Variants in PPP2CA observed in about 807,000 individuals in gnomAD.
PPP2CA encodes protein phosphatase 2 catalytic subunit alpha.
Under a neutral mutation model 38.8 loss-of-function variants are expected in PPP2CA, and 5 were observed. The observed-to-expected ratio is 0.13, with a 90% confidence interval of 0.07 to 0.27. The LOEUF is 0.27. Ranked by LOEUF, PPP2CA falls within the 10% of genes least tolerant of loss-of-function variation. The pLI is 1.00. For missense variants in PPP2CA, 88 were observed against 389.7 expected (o/e 0.23, Z 6.52); for synonymous variants, 152 against 134.0 (o/e 1.13, Z -0.93).
intron 1 of PPP2CA, chr5:134,224,345 T>C (rs141621961): frequency 1.5e-5 from 7 of 452,146 alleles, no homozygotes; most frequent in Non-Finnish European, 2.7e-5. Context: ...TGCCACCTCA[T>C]CCACTAGTAG....
chr5:134,209,003 A>G (rs931464076), intron 1 of PPP2CA, among the ~76,000 whole-genome samples: 5 of 152,206 alleles, frequency 3.3e-5, no homozygotes, highest in African/African-American at 1.2e-4. Context: ...CTCTGTATAC[A>G]TATGCAGGCA....
chr5:134,199,028 T>C (rs2149382618), intron 6 of PPP2CA, 58 bp downstream of exon 6: 7 of 1,391,368 alleles, frequency 5.0e-6, no homozygotes, highest in Non-Finnish European at 7.1e-6. Context: ...TCAAAATAAA[T>C]AAACCAAAAC....
Position 134,196,854 on chromosome 5 carries a change from T to C in PPP2CA, c.*918A>G, listed in dbSNP as rs1761861841. 1 of 152,680 alleles carries C rather than the reference T, an allele frequency of 6.5e-6. No individual in the cohort carries two copies. Among genetic ancestry groups the C allele is most frequent in the Non-Finnish European group, 1.5e-5 (1 of 68,026 alleles). The allele number at this position is 152,680 out of a possible 1,614,324, so 9.5% of individuals were successfully genotyped here. A position where few individuals can be genotyped will look rare whatever the true frequency, so the allele number is the denominator to read the frequency against. ...TTCCTTTCTTACAAACAAGTTAATA[T>C]GCAGGAAGAACCCACAAAGTGCACA... On this transcript the variant is annotated 3_prime_UTR_variant, in exon 7 of 7. Transcript: ENST00000481195.
At chr5:134,200,225 G>A in intron 5 of PPP2CA, 110 bp downstream of exon 5, 2 of 1,230,710 alleles carry the variant, frequency 1.6e-6, no homozygotes, top group Non-Finnish European at 2.2e-6. Context: ...AAACTCATCA[G>A]AAGGAATAGA....
At chr5:134,212,228 T>C (rs906514625) in intron 1 of PPP2CA, among the ~76,000 whole-genome samples, 5 of 152,246 alleles carry the variant, frequency 3.3e-5, no homozygotes, top group African/African-American at 1.2e-4. Context: ...AATCAAAGCT[T>C]CATGGCAACC....
chr5:134,199,020 AAAAT>A (rs1159181247), intron 6 of PPP2CA, 62 bp downstream of exon 6: 4 of 1,331,968 alleles, frequency 3.0e-6, no homozygotes, highest in Non-Finnish European at 4.3e-6. Flanking sequence ...CCTCTCTCTC[AAAAT>A]AAATAAACCA....
intron 5 of PPP2CA, 180 bp from the exon 6 acceptor site, chr5:134,199,384 T>C: frequency 4.8e-6 from 2 of 415,042 alleles, no homozygotes; most frequent in South Asian, 1.7e-4. Context: ...ACCTGTAAGG[T>C]ACACATGTAT....
intron 1 of PPP2CA, among the ~76,000 whole-genome samples, chr5:134,217,237 G>A (rs1410885874): frequency 1.3e-5 from 2 of 151,974 alleles, no homozygotes; most frequent in East Asian, 3.9e-4. Context: ...CCAAGACCGT[G>A]CCACTGCACT....
At chr5:134,208,752 A>G (rs1421551471) in intron 1 of PPP2CA, among the ~76,000 whole-genome samples, 1 of 152,230 alleles carries the variant, frequency 6.6e-6, no homozygotes, top group Non-Finnish European at 1.5e-5. Context: ...ATATCCTTTA[A>G]AACTTTGTTT....
chr5:134,211,520 G>A (rs1007597593), intron 1 of PPP2CA, among the ~76,000 whole-genome samples: 12 of 150,014 alleles, frequency 8.0e-5, no homozygotes, highest in Admixed American at 1.3e-4. Flanking sequence ...CTTGTTGCGC[G>A]GGCTGGAGTG....
Position 134,199,067 on chromosome 5 carries a change from T to C in PPP2CA, c.857+19A>G. The C allele has an allele frequency of 6.4e-7, 1 of 1,559,174 alleles. No homozygotes were observed. On this transcript the variant is annotated intron_variant, in intron 6 of 6. Transcript: ENST00000481195. ...ACATATTCAGTAATGCAAGAAAATG[T>C]TCAGGTAGAATTACTTACAAAGAGT... is the stretch of plus-strand genomic sequence containing the variant.
At chr5:134,225,512 G>T in intron 1 of PPP2CA, 1 of 432,846 alleles carries the variant, frequency 2.3e-6, no homozygotes, top group Non-Finnish European at 4.2e-6. Flanking sequence ...CGCCAAGGCC[G>T]GCTGACTCAA....
chr5:134,201,229 C>G (rs1456069213), intron 3 of PPP2CA, among the ~76,000 whole-genome samples, 155 bp from the exon 4 acceptor site: 1 of 152,200 alleles, frequency 6.6e-6, no homozygotes, highest in Non-Finnish European at 1.5e-5. Flanking sequence ...CTGAGCAACA[C>G]AGCAAGACCC....
chr5:134,199,025 A>G, intron 6 of PPP2CA, 61 bp downstream of exon 6: 2 of 1,366,506 alleles, frequency 1.5e-6, no homozygotes, highest in Non-Finnish European at 2.1e-6. Context: ...CTCTCAAAAT[A>G]AATAAACCAA....
chr5:134,218,947 G>A (rs182342464), intron 1 of PPP2CA, among the ~76,000 whole-genome samples: 3 of 152,230 alleles, frequency 2.0e-5, no homozygotes, highest in Admixed American at 1.3e-4. Flanking sequence ...GGGATTCCAG[G>A]CGTGAGCCAC....
intron 1 of PPP2CA, among the ~76,000 whole-genome samples, chr5:134,214,396 T>C (rs1935792774): frequency 1.3e-5 from 2 of 152,256 alleles, no homozygotes; most frequent in African/African-American, 4.8e-5. Flanking sequence ...TACAGTATTA[T>C]TGCTCATTTG....
At chr5:134,218,665 C>G (rs1395706335) in intron 1 of PPP2CA, among the ~76,000 whole-genome samples, 1 of 83,286 alleles carries the variant, frequency 1.2e-5, no homozygotes, top group East Asian at 2.5e-4. Context: ...ATGGTTGTTT[C>G]TTTCTTTTTT....
chr5:134,218,863 G>C (rs1325857857), intron 1 of PPP2CA, among the ~76,000 whole-genome samples: 1 of 152,014 alleles, frequency 6.6e-6, no homozygotes, highest in East Asian at 1.9e-4. Context: ...TAGAGACGGG[G>C]TTTCACCGTG....
intron 6 of PPP2CA, among the ~76,000 whole-genome samples, chr5:134,198,162 G>A (rs913512926): frequency 2.0e-5 from 3 of 151,612 alleles, no homozygotes; most frequent in East Asian, 1.9e-4. Context: ...AGGCTGAGGC[G>A]GGCGGATCAC....
Sources: gnomAD v4.1 joint callset for allele counts (sites outside exome capture counted in the v4.1 genomes callset) on GRCh38, gnomAD v4.1.1 for gene constraint, MANE v1.5 for transcripts, NCBI Gene and HGNC (gene_info 2026-07-23, HGNC 2026-07-21) for gene names.